Variants in DCTN4 observed in about 807,000 individuals in gnomAD.
The protein encoded by DCTN4 is dynactin subunit 4.
DCTN4 carries 23 observed loss-of-function variants against 62.7 expected under a neutral mutation model. The ratio of observed to expected loss-of-function variants is 0.37; its 90% CI spans 0.26 to 0.52. DCTN4 has a LOEUF of 0.52. Ranked by LOEUF, DCTN4 falls within the 20% of genes least tolerant of loss-of-function variation. DCTN4 has a pLI of 0.92. For synonymous variants in DCTN4, 199 were observed against 202.1 expected, an observed-to-expected ratio of 0.98 and a Z score of 0.13; for missense variants, 514 against 580.4, an observed-to-expected ratio of 0.89 and a Z score of 1.18.
intron 4 of DCTN4, among the ~76,000 whole-genome samples, chr5:150,741,365 T>C (rs1760764165): frequency 6.6e-6 from 1 of 152,166 alleles, no homozygotes; most frequent in South Asian, 2.1e-4. Flanking sequence ...TGTGTAGATG[T>C]ATAGCTTTGA....
At chr5:150,748,317 G>A (rs1266084302) in intron 3 of DCTN4, among the ~76,000 whole-genome samples, 1 of 151,382 alleles carries the variant, frequency 6.6e-6, no homozygotes, top group East Asian at 2.0e-4. Flanking sequence ...GGAGAAATAG[G>A]AACACTTTTA....
chr5:150,748,659 T>C (rs1310199929), intron 3 of DCTN4, among the ~76,000 whole-genome samples: 1 of 150,954 alleles, frequency 6.6e-6, no homozygotes, highest in African/African-American at 2.4e-5. Context: ...ATATTGGAAA[T>C]CATCATTCTC....
chr5:150,715,846 T>A (rs2151468475), intron 11 of DCTN4, among the ~76,000 whole-genome samples, 184 bp from the exon 12 acceptor site: 2 of 152,280 alleles, frequency 1.3e-5, no homozygotes, highest in Middle Eastern at 6.8e-3. Context: ...CTTCATGGGG[T>A]CTGCAATGAG....
intron 1 of DCTN4, among the ~76,000 whole-genome samples, chr5:150,757,626 A>G (rs1192427719): frequency 2.0e-5 from 3 of 152,210 alleles, no homozygotes; most frequent in Admixed American, 2.0e-4. Flanking sequence ...ATCATCAAGG[A>G]GATACACATA....
chr5:150,720,423 G>A (rs1321943484), intron 9 of DCTN4, among the ~76,000 whole-genome samples: 1 of 150,398 alleles, frequency 6.6e-6, no homozygotes, highest in East Asian at 1.9e-4. Flanking sequence ...TAAATTTAAA[G>A]ACCCCACTTC....
At chr5:150,736,084 A>G (rs186317825) in intron 4 of DCTN4, among the ~76,000 whole-genome samples, 1 of 151,992 alleles carries the variant, frequency 6.6e-6, no homozygotes, top group Non-Finnish European at 1.5e-5. Context: ...ATAATAATAA[A>G]AAATAAAGCC....
In DCTN4 at chr5:150,710,827, G is replaced by A. The variant is rs1034835124; in HGVS notation, c.*322C>T. The A allele has an allele frequency of 2.9e-6, 1 of 348,412 alleles. No homozygotes were observed. The highest frequency in any genetic ancestry group is 2.1e-5 in the African/African-American group (1 of 48,010). The allele number at this position is 348,412 out of a possible 1,614,324, so 21.6% of individuals were successfully genotyped here. A position where few individuals can be genotyped will look rare whatever the true frequency, so the allele number is the denominator to read the frequency against. ...AGATCAGATCAAGAGACAGTACAGA[G>A]TTTCTCAGGTGGTAAATACAATGCC... On this transcript the variant is annotated 3_prime_UTR_variant, in exon 13 of 13. Transcript: ENST00000447998.
intron 8 of DCTN4, among the ~76,000 whole-genome samples, chr5:150,725,788 G>GGCA (rs1383714606): frequency 1.3e-5 from 2 of 152,154 alleles, no homozygotes; most frequent in Non-Finnish European, 2.9e-5. Flanking sequence ...GGACTCCAAT[G>GGCA]GCAGCAGCAG....
intron 9 of DCTN4, among the ~76,000 whole-genome samples, chr5:150,720,636 G>A (rs1437453273): frequency 1.3e-5 from 2 of 152,030 alleles, no homozygotes; most frequent in Non-Finnish European, 2.9e-5. Flanking sequence ...GTGCCACCAT[G>A]CTCAGCTAAT....
At chr5:150,758,622 A>G in intron 1 of DCTN4, 4 of 1,263,180 alleles carry the variant, frequency 3.2e-6, no homozygotes, top group Non-Finnish European at 4.1e-6. Context: ...CCCTAAGTCA[A>G]GTTTGTCCAA....
chr5:150,756,035 G>T (rs1214378424), intron 2 of DCTN4, among the ~76,000 whole-genome samples: 1 of 146,260 alleles, frequency 6.8e-6, no homozygotes, highest in African/African-American at 2.6e-5. Context: ...TTAATTTCAT[G>T]TGTCTTTTTT....
At chr5:150,713,849 G>A (rs1016612528) in intron 12 of DCTN4, among the ~76,000 whole-genome samples, 6 of 152,002 alleles carry the variant, frequency 3.9e-5, no homozygotes, top group African/African-American at 1.4e-4. Flanking sequence ...AGGCATGGTG[G>A]CTCACGCCTG....
At chr5:150,719,198 T>C (rs889423435) in intron 10 of DCTN4, among the ~76,000 whole-genome samples, 46 of 152,328 alleles carry the variant, frequency 3.0e-4, no homozygotes, top group African/African-American at 1.1e-3. Context: ...GCAAAACAAA[T>C]CTTTCAAATG....
At chr5:150,727,813 G>A (rs928320006) in intron 8 of DCTN4, among the ~76,000 whole-genome samples, 11 of 145,854 alleles carry the variant, frequency 7.5e-5, no homozygotes, top group Non-Finnish European at 1.5e-4. Flanking sequence ...AACCCAATAA[G>A]CTTCCTGATG....
chr5:150,739,465 T>C (rs1424370727), intron 4 of DCTN4, among the ~76,000 whole-genome samples: 1 of 152,212 alleles, frequency 6.6e-6, no homozygotes, highest in African/African-American at 2.4e-5. Context: ...CCCATGCTCA[T>C]GGCTGGGTAG....
chr5:150,758,821 C>CA, intron 1 of DCTN4, 38 bp downstream of exon 1: 3 of 1,606,298 alleles, frequency 1.9e-6, no homozygotes, highest in Non-Finnish European at 2.6e-6. Context: ...GCCGCGCCCC[C>CA]CCCACCCCAC....
At chr5:150,734,560 T>A (rs1760505426) in intron 4 of DCTN4, 1 of 152,210 alleles carries the variant, frequency 6.6e-6, no homozygotes, top group South Asian at 2.1e-4. Flanking sequence ...CCAGTGGAAC[T>A]GAGGAAGGAC....
chr5:150,758,488 C>A, intron 1 of DCTN4: 5 of 998,138 alleles, frequency 5.0e-6, no homozygotes, highest in Non-Finnish European at 6.0e-6. Context: ...CTGCGCCTCC[C>A]TCCATCCTCG....
intron 4 of DCTN4, chr5:150,733,803 G>C (rs868309594): frequency 4.6e-5 from 9 of 196,082 alleles, no homozygotes; most frequent in Non-Finnish European, 9.5e-5. Flanking sequence ...TAAGAACATA[G>C]CATTTTATAC....
Sources: allele counts gnomAD v4.1 joint callset (sites outside exome capture counted in the v4.1 genomes callset), GRCh38; gene constraint gnomAD v4.1.1; transcripts MANE v1.5; gene names NCBI Gene and HGNC (gene_info 2026-07-23, HGNC 2026-07-21).